RANBP17: variants seen among roughly 807,000 people sequenced by gnomAD.
The protein encoded by RANBP17 is RAN binding protein 17, also known as ran-binding protein 17.
A neutral mutation model predicts 141.2 loss-of-function variants in RANBP17; 158 were observed. The ratio of observed to expected loss-of-function variants is 1.12; its 90% confidence interval spans 0.98 to 1.28. RANBP17 has a LOEUF of 1.28. RANBP17 is among the 50% of genes most tolerant of loss of function. The probability of loss-of-function intolerance (pLI) is 0.00; values close to 1 mark genes in which losing one functional copy is unlikely to be tolerated. For synonymous variants in RANBP17, 430 were observed against 450.0 expected (o/e 0.96, Z 0.56); for missense variants, 1,438 against 1,290.7 (o/e 1.11, Z -1.75).
intron 4 of RANBP17, 109 bp downstream of exon 4, chr5:170,892,662 T>C (rs561106815): frequency 1.4e-6 from 1 of 708,110 alleles, no homozygotes; most frequent in Non-Finnish European, 2.2e-6. Context: ...CAGTACCATG[T>C]TAATTATGAT....
intron 12 of RANBP17, among the ~76,000 whole-genome samples, chr5:170,931,550 G>A (rs1169512496): frequency 6.6e-6 from 1 of 152,082 alleles, no homozygotes; most frequent in African/African-American, 2.4e-5. Flanking sequence ...GGTCTAACAT[G>A]TAAGTCTTTA....
At chr5:171,171,011 G>A (rs1174284471) in intron 15 of RANBP17, among the ~76,000 whole-genome samples, 195 bp from the exon 16 acceptor site, 1 of 152,080 alleles carries the variant, frequency 6.6e-6, no homozygotes, top group Non-Finnish European at 1.5e-5. Flanking sequence ...CATTTGGAGA[G>A]CAATATTCAT....
At chr5:171,070,152 C>T (rs772728280) in intron 14 of RANBP17, among the ~76,000 whole-genome samples, 4 of 151,940 alleles carry the variant, frequency 2.6e-5, no homozygotes, top group Non-Finnish European at 5.9e-5. Flanking sequence ...ATTAATTAGC[C>T]CAAACTTCAA....
intron 14 of RANBP17, among the ~76,000 whole-genome samples, chr5:171,165,078 A>T (rs1346650057): frequency 6.6e-6 from 1 of 152,210 alleles, no homozygotes; most frequent in African/African-American, 2.4e-5. Flanking sequence ...GGTCAATGAA[A>T]GGTTGTACAG....
In RANBP17 at chr5:170,892,447, C is replaced by T; in HGVS notation, c.317C>T (p.Ala106Val). The change falls in exon 4 of 28, where the codon GCT (alanine) becomes GTT (valine). Residue 106 changes from alanine (A) to valine (V), a missense_variant. Coordinates refer to ENST00000523189, the MANE Select transcript of RANBP17 (RefSeq NM_022897.5). ...AAGCTGGCTCCCTTTGTCATCCAAG[C>T]TCTTATTCAAGTCATTGCTAAAATC... ...QPKLAPFVIQALIQVIAKITK... is the reference protein window; with the variant it reads ...QPKLAPFVIQVLIQVIAKITK... The T allele has an allele frequency of 6.2e-7, 1 of 1,614,016 alleles. No individual in the cohort carries two copies. Among genetic ancestry groups the T allele is most frequent in the Non-Finnish European group, 8.5e-7 (1 of 1,179,948 alleles).
At chr5:171,209,993 A>T (rs941335110) in intron 20 of RANBP17, among the ~76,000 whole-genome samples, 1 of 152,230 alleles carries the variant, frequency 6.6e-6, no homozygotes, top group African/African-American at 2.4e-5. Flanking sequence ...TATTGTAAAG[A>T]AGCAAACTTG....
intron 14 of RANBP17, among the ~76,000 whole-genome samples, chr5:171,050,713 A>G (rs1782900175): frequency 6.6e-6 from 1 of 152,080 alleles, no homozygotes; most frequent in Admixed American, 6.6e-5. Flanking sequence ...AGAAGAAAGT[A>G]ATATTGTTAC....
chr5:171,114,259 C>T (rs1581665476), intron 14 of RANBP17, among the ~76,000 whole-genome samples: 1 of 152,180 alleles, frequency 6.6e-6, no homozygotes, highest in East Asian at 1.9e-4. Context: ...TTTCTTTTGG[C>T]ATACATTTTG....
intron 14 of RANBP17, among the ~76,000 whole-genome samples, chr5:171,154,189 A>G (rs1006406033): frequency 2.0e-5 from 3 of 151,550 alleles, no homozygotes; most frequent in Admixed American, 1.3e-4. Context: ...AGTAAAACAA[A>G]TGAATTTAAC....
chr5:170,887,241 T>C (rs1432941369), intron 3 of RANBP17, among the ~76,000 whole-genome samples: 2 of 152,188 alleles, frequency 1.3e-5, no homozygotes, highest in Non-Finnish European at 2.9e-5. Flanking sequence ...TGGCTTATCT[T>C]TTTATTCTCT....
rs375925346 is a variant in RANBP17, at chr5:170,880,464, A to G, written c.166-1342A>G. On this transcript the variant is annotated intron_variant, in intron 2 of 27. Transcript: ENST00000523189. ...AAAACAATGTTGATTTAATTAACTCATCATCGGTAAATGGCTGTGTGATTG... is the reference window on the plus strand; with the variant it reads ...AAAACAATGTTGATTTAATTAACTCGTCATCGGTAAATGGCTGTGTGATTG... Among the ~76,000 whole-genome samples the G allele has an allele frequency of 5.9e-5, 9 of 152,356 alleles. No individual in the cohort carries two copies. The East Asian group carries it at 1.4e-3, about 23-fold the overall frequency.
chr5:171,012,588 T>G (rs1427014730), intron 14 of RANBP17, among the ~76,000 whole-genome samples: 1 of 152,154 alleles, frequency 6.6e-6, no homozygotes, highest in East Asian at 1.9e-4. Context: ...TTTAAGAAGT[T>G]TGCTTCTCAT....
chr5:171,169,604 A>G (rs1228075597), intron 14 of RANBP17, among the ~76,000 whole-genome samples: 1 of 152,158 alleles, frequency 6.6e-6, no homozygotes, highest in Non-Finnish European at 1.5e-5. Flanking sequence ...ACGTACCTGT[A>G]TATTTGGGGA....
At chr5:171,053,887 A>G (rs1181474725) in intron 14 of RANBP17, among the ~76,000 whole-genome samples, 1 of 33,840 alleles carries the variant, frequency 3.0e-5, no homozygotes, top group African/African-American at 9.0e-5. Context: ...TCATATATAT[A>G]TATATATATA....
intron 14 of RANBP17, among the ~76,000 whole-genome samples, chr5:171,047,860 T>A (rs1782696244): frequency 6.6e-6 from 1 of 152,198 alleles, no homozygotes; most frequent in Non-Finnish European, 1.5e-5. Context: ...GAAGTATCCA[T>A]TAAATAGCAA....
At chr5:171,287,593 C>T (rs1376498631) in intron 25 of RANBP17, among the ~76,000 whole-genome samples, 1 of 151,192 alleles carries the variant, frequency 6.6e-6, no homozygotes, top group Non-Finnish European at 1.5e-5. Flanking sequence ...TGTCCTCTGC[C>T]CTCCCCAGTC....
At chr5:171,251,768 C>G in intron 24 of RANBP17, 1 of 1,003,108 alleles carries the variant, frequency 1.0e-6, no homozygotes, top group Non-Finnish European at 1.6e-6. Flanking sequence ...TCCTCCCGCG[C>G]CCGCCCCCGC....
intron 24 of RANBP17, among the ~76,000 whole-genome samples, chr5:171,258,327 T>G (rs1369660617): frequency 6.6e-6 from 1 of 152,100 alleles, no homozygotes; most frequent in Admixed American, 6.6e-5. Flanking sequence ...AATGTATAGA[T>G]TCAGTGTAAT....
At chr5:170,877,419 T>C (rs1225861843) in intron 1 of RANBP17, among the ~76,000 whole-genome samples, 1 of 152,050 alleles carries the variant, frequency 6.6e-6, no homozygotes, top group African/African-American at 2.4e-5. Context: ...TGTACCCTAC[T>C]ATACCCAGCT....
Sources: allele counts gnomAD v4.1 joint callset (sites outside exome capture counted in the v4.1 genomes callset), GRCh38; gene constraint gnomAD v4.1.1; transcripts MANE v1.5; gene names NCBI Gene and HGNC (gene_info 2026-07-23, HGNC 2026-07-21).